The following BACE2 variants were observed in gnomAD, a reference collection of about 807,000 sequenced individuals.
BACE2 encodes the protein 56 kDa aspartic-like protease.
BACE2 carries 17 observed loss-of-function variants against 46.2 expected under a neutral mutation model. The observed-to-expected ratio is 0.37, with a 90% CI of 0.25 to 0.55. The LOEUF is 0.55. Among genes scored for constraint, BACE2 ranks in the 20% least tolerant of loss-of-function variants. The pLI is 0.82. For synonymous variants in BACE2, 277 were observed against 295.9 expected (o/e 0.94, Z 0.66); for missense variants, 595 against 698.1 (o/e 0.85, Z 1.66).
chr21:41,234,918 A>G (rs1418572049), intron 2 of BACE2, among the ~76,000 whole-genome samples: 4 of 152,178 alleles, frequency 2.6e-5, no homozygotes, highest in African/African-American at 7.2e-5. Context: ...AGATCTGCGC[A>G]CAGAAAACAT....
chr21:41,237,457 A>C (rs1987156152), intron 2 of BACE2, 56 bp from the exon 3 acceptor site: 8 of 1,272,104 alleles, frequency 6.3e-6, no homozygotes, highest in South Asian at 5.2e-5. Flanking sequence ...AAAATAAATA[A>C]ATAAAAATAA....
intron 1 of BACE2, among the ~76,000 whole-genome samples, chr21:41,221,091 A>G (rs1017941883): frequency 6.0e-5 from 9 of 151,090 alleles, no homozygotes; most frequent in Non-Finnish European, 1.0e-4. Context: ...ATTGTTTTAG[A>G]TTCACTTCAA....
chr21:41,193,361 T>C lies in BACE2; in HGVS notation c.312+24786T>C, dbSNP rs1985638236. Among the ~76,000 whole-genome samples the C allele has an allele frequency of 6.6e-6, 1 of 152,232 alleles. No homozygotes were observed. Among genetic ancestry groups the C allele is most frequent in the Admixed American group, 6.5e-5 (1 of 15,282 alleles). On this transcript the variant is annotated intron_variant, in intron 1 of 8. Transcript: ENST00000330333. The surrounding 1 kb of genome is among the most constrained non-coding windows in gnomAD (Gnocchi z 4.2). ...GCTCAAGCAATGAAACCACATCTGG[T>C]ACAGCAGCTGCAATTGGAGTCACCA... is the stretch of plus-strand genomic sequence containing the variant.
intron 8 of BACE2, among the ~76,000 whole-genome samples, chr21:41,274,810 C>G (rs1261217606): frequency 6.6e-6 from 1 of 152,096 alleles, no homozygotes; most frequent in African/African-American, 2.4e-5. Context: ...CAGCCTGACC[C>G]CCGGAGGTCT....
At position 41,211,163 on chromosome 21, in the gene BACE2, C is replaced by A. The variant is rs565965068; in HGVS notation, c.313-15103C>A. On this transcript the variant is annotated intron_variant, in intron 1 of 8. Coordinates refer to ENST00000330333, the MANE Select transcript of BACE2 (RefSeq NM_012105.5). Reference sequence around the variant, plus strand: ...TCAGGCAGCCAAGCCCATCCCCATTCCCCCCTCCCCATCCCTCTCCCCCCT... The same window carrying A: ...TCAGGCAGCCAAGCCCATCCCCATTACCCCCTCCCCATCCCTCTCCCCCCT... Among the ~76,000 whole-genome samples, 99 of 144,012 alleles carry A rather than the reference C, an allele frequency of 6.9e-4. 1 individual carries two copies. In the South Asian group the frequency reaches 0.023, roughly 33 times the overall value. The allele number at this position is 144,012 out of a possible 152,430, so 94.5% of individuals were successfully genotyped here.
At chr21:41,179,863 T>A (rs1381971426) in intron 1 of BACE2, 5 of 391,646 alleles carry the variant, frequency 1.3e-5, no homozygotes, top group Non-Finnish European at 1.5e-5. Context: ...GTGTGGCTAG[T>A]TTACTGGGAG....
intron 1 of BACE2, among the ~76,000 whole-genome samples, chr21:41,223,259 G>C (rs568281746): frequency 6.6e-6 from 1 of 152,160 alleles, no homozygotes; most frequent in South Asian, 2.1e-4. Context: ...TGGAGGCTGA[G>C]GTGAGAGGAT....
chr21:41,209,432 G>A (rs1986230395), intron 1 of BACE2, among the ~76,000 whole-genome samples: 1 of 152,228 alleles, frequency 6.6e-6, no homozygotes, highest in South Asian at 2.1e-4. Context: ...TGGGAGTGTG[G>A]CTGACACTAC....
chr21:41,244,333 T>C (rs941600257), intron 5 of BACE2, among the ~76,000 whole-genome samples: 1 of 152,122 alleles, frequency 6.6e-6, no homozygotes, highest in African/African-American at 2.4e-5. Flanking sequence ...TTATTTCACC[T>C]GGGTGCAGGT....
At chr21:41,202,018 T>C (rs771275601) in intron 1 of BACE2, among the ~76,000 whole-genome samples, 48 of 152,208 alleles carry the variant, frequency 3.2e-4, no homozygotes, top group Non-Finnish European at 5.3e-4. Flanking sequence ...TAAGTGCAAA[T>C]CCCATCTTTG....
intron 1 of BACE2, chr21:41,186,426 T>A (rs1009280790): frequency 2.6e-5 from 4 of 152,270 alleles, no homozygotes; most frequent in African/African-American, 7.2e-5. Context: ...TATTGGTACT[T>A]CCTCAGTGTT....
intron 1 of BACE2, among the ~76,000 whole-genome samples, chr21:41,196,432 T>C (rs751222042): frequency 9.9e-5 from 15 of 152,056 alleles, no homozygotes; most frequent in Non-Finnish European, 2.2e-4. Context: ...ACGACTGTCA[T>C]AGCAAATGAT....
At chr21:41,207,328 T>C (rs1986159999) in intron 1 of BACE2, among the ~76,000 whole-genome samples, 1 of 152,230 alleles carries the variant, frequency 6.6e-6, no homozygotes. Flanking sequence ...CATCAAAGTA[T>C]GAAGGTCAGA....
chr21:41,241,209 G>T (rs933972457), intron 3 of BACE2, among the ~76,000 whole-genome samples: 1 of 152,164 alleles, frequency 6.6e-6, no homozygotes, highest in Non-Finnish European at 1.5e-5. Context: ...CAGAGCACAC[G>T]AGGGCTTCTG....
chr21:41,268,740 C>A (rs78774203), intron 8 of BACE2, among the ~76,000 whole-genome samples: 2,510 of 152,012 alleles, frequency 0.017, 79 homozygotes, highest in African/African-American at 0.058. Flanking sequence ...CATACCCAGG[C>A]CCTATCTCAA....
intron 1 of BACE2, among the ~76,000 whole-genome samples, chr21:41,188,615 A>G (rs1430862653): frequency 6.6e-6 from 1 of 152,256 alleles, no homozygotes; most frequent in African/African-American, 2.4e-5. Flanking sequence ...AGGGCAGTCG[A>G]AAAGGCAAGA....
Position 41,239,896 on chromosome 21 carries a change from GA to G in BACE2, c.619-1922del, listed in dbSNP as rs1337220456. Among the ~76,000 whole-genome samples the G allele has an allele frequency of 9.8e-5, 15 of 152,354 alleles. No homozygotes were observed. In the East Asian group the frequency reaches 2.3e-3, roughly 23 times the overall value. On this transcript the variant is annotated intron_variant, in intron 3 of 8. Transcript: ENST00000330333. ...GTGACTGGAAATGAAAGATGTATAT[GA>G]CTGGTTTTATGCAAATTGTTCCGAA...
intron 1 of BACE2, among the ~76,000 whole-genome samples, chr21:41,200,355 A>G (rs1257928504): frequency 6.6e-6 from 1 of 152,038 alleles, no homozygotes; most frequent in East Asian, 1.9e-4. Context: ...TTAAATTCAG[A>G]TGTTAGTTTA....
intron 1 of BACE2, among the ~76,000 whole-genome samples, chr21:41,214,356 T>C (rs989738440): frequency 6.6e-6 from 1 of 152,258 alleles, no homozygotes; most frequent in Non-Finnish European, 1.5e-5. Context: ...TCAGGACATG[T>C]CTAGTTCCTA....
Sources: gnomAD v4.1 joint callset for allele counts (sites outside exome capture counted in the v4.1 genomes callset) on GRCh38, gnomAD v4.1.1 for gene constraint, Gnocchi (gnomAD v3.1) non-coding constraint, MANE v1.5 for transcripts, NCBI Gene and HGNC (gene_info 2026-07-23, HGNC 2026-07-21) for gene names.